The following CRLS1 variants were observed in gnomAD, a reference collection of about 807,000 sequenced individuals.
The protein encoded by CRLS1 is cardiolipin synthase (CMP-forming).
Under a neutral mutation model 37.0 loss-of-function variants are expected in CRLS1, and 24 were observed. The ratio of observed to expected loss-of-function variants is 0.65; its 90% CI spans 0.47 to 0.91. CRLS1 has a LOEUF of 0.91. Among genes scored for constraint, CRLS1 ranks in the 40% least tolerant of loss-of-function variants. CRLS1 has a pLI of 0.00. For missense variants in CRLS1, 373 were observed against 395.8 expected, an observed-to-expected ratio of 0.94 and a Z score of 0.49; for synonymous variants, 135 against 159.7, an observed-to-expected ratio of 0.85 and a Z score of 1.17.
intron 3 of CRLS1, among the ~76,000 whole-genome samples, chr20:6,027,952 A>G: frequency 6.6e-6 from 1 of 152,136 alleles, no homozygotes; most frequent in East Asian, 1.9e-4. Context: ...TTCTCACCTT[A>G]TTACTAATAA....
intron 2 of CRLS1, among the ~76,000 whole-genome samples, chr20:6,010,822 A>G (rs1428628271): frequency 6.6e-6 from 1 of 152,160 alleles, no homozygotes; most frequent in Non-Finnish European, 1.5e-5. Context: ...TTTGAGATCA[A>G]CCTGCACAAC....
chr20:6,006,292 GGC>G lies in CRLS1; in HGVS notation c.49_50del (p.Ala17ArgfsTer10). 1.5e-6 allele frequency: 2 copies of G among 1,294,198 alleles called. No homozygotes were observed. Among genetic ancestry groups the G allele is most frequent in the Non-Finnish European group, 2.0e-6 (2 of 1,024,172 alleles). The allele number at this position is 1,294,198 out of a possible 1,614,324, so 80.2% of individuals were successfully genotyped here. ...GCGCGGCTCGTGGGGGGCCCTGCGC[GGC>G]GCCGCTTGGGCTCCGGGAACGCGGC... ...VARGSWGALRGAAWAPGTRPS... is the reference protein window; with the variant it reads ...VARGSWGALRXAAWAPGTRPS... On this transcript the variant is annotated frameshift_variant, in exon 1 of 7. Transcript: ENST00000378863.
At chr20:6,006,675 C>CT (rs2090060595) in intron 1 of CRLS1, 123 bp downstream of exon 1, 1 of 1,210,124 alleles carries the variant, frequency 8.3e-7, no homozygotes, top group Non-Finnish European at 1.0e-6. Context: ...AGACTCTTCC[C>CT]TGAAAAGAAG....
chr20:6,019,486 CT>C (rs149699067), intron 3 of CRLS1, among the ~76,000 whole-genome samples: 1,645 of 146,652 alleles, frequency 0.011, 32 homozygotes, highest in African/African-American at 0.039. Context: ...TAATGTCCTC[CT>C]TTTCCTCTTG....
intron 1 of CRLS1, chr20:6,006,807 G>GCC (rs2090063071): frequency 1.0e-6 from 1 of 985,246 alleles, no homozygotes; most frequent in Non-Finnish European, 1.2e-6. Context: ...TGCTGGAAGG[G>GCC]CCGCCTCTGC....
At chr20:6,034,399 C>T in intron 5 of CRLS1, 65 bp from the exon 6 acceptor site, 1 of 1,137,020 alleles carries the variant, frequency 8.8e-7, no homozygotes, top group Non-Finnish European at 1.3e-6. Context: ...GTGCTTTTGT[C>T]TTGAAAGCTT....
At chr20:6,027,082 AT>A (rs11361547) in intron 3 of CRLS1, among the ~76,000 whole-genome samples, 63,691 of 128,334 alleles carry the variant, frequency 0.5, 13,755 homozygotes, top group African/African-American at 0.53. Context: ...TGGAAATTGA[AT>A]TTTTTTTTTT....
At chr20:6,033,388 G>A (rs776458546) in intron 5 of CRLS1, among the ~76,000 whole-genome samples, 5 of 151,928 alleles carry the variant, frequency 3.3e-5, no homozygotes, top group Non-Finnish European at 7.4e-5. Flanking sequence ...CACCCATCTC[G>A]GCCTCCCAAA....
At chr20:6,007,770 A>G (rs2090078875) in intron 1 of CRLS1, among the ~76,000 whole-genome samples, 1 of 152,136 alleles carries the variant, frequency 6.6e-6, no homozygotes, top group African/African-American at 2.4e-5. Context: ...CTTATTCTCT[A>G]CCATAGTATG....
chr20:6,015,069 T>C (rs1201618498), intron 2 of CRLS1, among the ~76,000 whole-genome samples: 1 of 152,210 alleles, frequency 6.6e-6, no homozygotes, highest in African/African-American at 2.4e-5. Context: ...TATCTCTAAA[T>C]GTGTATTTGG....
At chr20:6,011,058 A>C (rs1044376457) in intron 2 of CRLS1, among the ~76,000 whole-genome samples, 3 of 152,190 alleles carry the variant, frequency 2.0e-5, no homozygotes, top group Non-Finnish European at 4.4e-5. Flanking sequence ...GTATAAAAAC[A>C]TAGTTGAGGG....
chr20:6,026,513 GTATT>G (rs555674179), intron 3 of CRLS1, among the ~76,000 whole-genome samples: 1 of 152,060 alleles, frequency 6.6e-6, no homozygotes, highest in Non-Finnish European at 1.5e-5. Flanking sequence ...AGGCATGCTT[GTATT>G]TATTTATTTA....
chr20:6,019,874 G>C (rs2122964919), intron 3 of CRLS1, among the ~76,000 whole-genome samples: 1 of 151,724 alleles, frequency 6.6e-6, no homozygotes, highest in South Asian at 2.1e-4. Context: ...ATGTTGGCCA[G>C]GCTGGCCTCG....
chr20:6,018,437 T>C (rs1171622012), intron 3 of CRLS1, among the ~76,000 whole-genome samples: 2 of 152,172 alleles, frequency 1.3e-5, no homozygotes, highest in Non-Finnish European at 2.9e-5. Context: ...ACCCTTTGTT[T>C]CTTTTACTTG....
chr20:6,008,607 T>C (rs1299363352), intron 1 of CRLS1, among the ~76,000 whole-genome samples: 3 of 152,244 alleles, frequency 2.0e-5, no homozygotes, highest in African/African-American at 7.2e-5. Flanking sequence ...TTTCCATGAC[T>C]GTTTTGAACA....
intron 3 of CRLS1, among the ~76,000 whole-genome samples, chr20:6,025,598 A>G (rs1979611525): frequency 6.6e-6 from 1 of 152,234 alleles, no homozygotes; most frequent in Admixed American, 6.5e-5. Flanking sequence ...CCCCAAGGCT[A>G]TAGGTGACGT....
rs1207650848 is a variant in CRLS1, at chr20:6,039,370, A to C, written c.*2212A>C. The C allele has an allele frequency of 6.6e-6, 1 of 151,796 alleles. No homozygotes were observed. The highest frequency in any genetic ancestry group is 1.5e-5 in the Non-Finnish European group (1 of 67,992). The allele number at this position is 151,796 out of a possible 1,614,324, so 9.4% of individuals were successfully genotyped here. On this transcript the variant is annotated 3_prime_UTR_variant, in exon 7 of 7. Coordinates refer to ENST00000378863, the MANE Select transcript of CRLS1 (RefSeq NM_019095.6). The stretch of plus-strand genomic sequence containing the variant: ...AGTTTTTAACCAGGAGCTGGTGGAG[A>C]TCTTTGAAATCATTTAGGCCAATTC...
intron 3 of CRLS1, among the ~76,000 whole-genome samples, chr20:6,016,352 T>C (rs913124921): frequency 3.9e-5 from 6 of 152,242 alleles, no homozygotes; most frequent in African/African-American, 1.4e-4. Flanking sequence ...TTTTAGTCTT[T>C]TAAGTTCTCG....
rs559511975 is a variant in CRLS1, at chr20:6,011,572, CTTTTTTTTTTTTTTTTT to C, written c.444+1678_444+1694del. On this transcript the variant is annotated intron_variant, in intron 2 of 6. Transcript: ENST00000378863. ...TCTTTCTCCTTTTCTTTTGTCCCTG[CTTTTTTTTTTTTTTTTT>C]TTTTTTTTTTTTTTTTTGGGGAGAC... Among the ~76,000 whole-genome samples, 29 of 27,858 alleles carry C rather than the reference CTTTTTTTTTTTTTTTTT, an allele frequency of 1.0e-3. 1 individual carries two copies. The East Asian group carries it at 0.025, about 24-fold the overall frequency. The allele number at this position is 27,858 out of a possible 152,430, so 18.3% of individuals were successfully genotyped here.
Sources: allele counts gnomAD v4.1 joint callset (sites outside exome capture counted in the v4.1 genomes callset), GRCh38; gene constraint gnomAD v4.1.1; transcripts MANE v1.5; gene names NCBI Gene and HGNC (gene_info 2026-07-23, HGNC 2026-07-21).